Variants in YTHDC2 observed in about 807,000 individuals in gnomAD.
YTHDC2 encodes the protein 3'-5' RNA helicase YTHDC2.
Under a neutral mutation model 174.9 loss-of-function variants are expected in YTHDC2, and 45 were observed. The ratio of observed to expected loss-of-function variants is 0.26; its 90% CI spans 0.20 to 0.33. YTHDC2 has a LOEUF of 0.33. Ranked by LOEUF, YTHDC2 falls within the 10% of genes least tolerant of loss-of-function variation. The pLI is 1.00. For synonymous variants in YTHDC2, 657 were observed against 574.5 expected (o/e 1.14, Z -2.05); for missense variants, 1,650 against 1,723.7 (o/e 0.96, Z 0.76).
At chr5:113,548,446 G>A (rs1022326213) in intron 10 of YTHDC2, 95 bp from the exon 11 acceptor site, 6 of 1,260,518 alleles carry the variant, frequency 4.8e-6, no homozygotes, top group Middle Eastern at 2.5e-4. Flanking sequence ...TAATTATCCT[G>A]AAACTCAGTT....
At chr5:113,514,809 C>T (rs1426133645) in intron 1 of YTHDC2, among the ~76,000 whole-genome samples, 1 of 152,096 alleles carries the variant, frequency 6.6e-6, no homozygotes, top group African/African-American at 2.4e-5. Flanking sequence ...TAGTGAAATA[C>T]GAATTCTGTA....
At chr5:113,532,740 T>A (rs532217728) in intron 4 of YTHDC2, 139 bp from the exon 5 acceptor site, 593 of 666,090 alleles carry the variant, frequency 8.9e-4, no homozygotes, top group Non-Finnish European at 1.2e-3. Flanking sequence ...GATTACTAGT[T>A]ACATGAATGT....
At position 113,535,654 on chromosome 5, in the gene YTHDC2, G is replaced by C. The variant is rs759047499; in HGVS notation, c.958G>C (p.Glu320Gln). The change falls in exon 7 of 30, where the codon GAA becomes CAA. Residue 320 changes from glutamate (E) to glutamine (Q), a missense_variant. Glu to Gln is a conservative substitution (Grantham distance 29, BLOSUM62 2). Around this residue, in one of 5 missense-constraint regions of YTHDC2, gnomAD observed 411 missense variants for 380.6 expected, o/e 1.08. Transcript: ENST00000161863. ...CTGTTTACTATAGGATGAAGTGCATGAAAGGGATCGATTTAGTGATTTTTT... is the reference window on the plus strand; with the variant it reads ...CTGTTTACTATAGGATGAAGTGCATCAAAGGGATCGATTTAGTGATTTTTT... ...VTHVIVDEVH[E>Q]RDRFSDFLLT... 1 of 1,612,706 alleles carries C rather than the reference G, an allele frequency of 6.2e-7. No individual in the cohort carries two copies. The highest frequency in any genetic ancestry group is 8.5e-7 in the Non-Finnish European group (1 of 1,179,488).
intron 9 of YTHDC2, 145 bp downstream of exon 9, chr5:113,541,261 G>T (rs538063315): frequency 2.5e-5 from 22 of 892,190 alleles, no homozygotes; most frequent in Middle Eastern, 3.2e-4. Context: ...GCGTGATCTC[G>T]GCTCACTGCA....
intron 23 of YTHDC2, among the ~76,000 whole-genome samples, chr5:113,577,141 T>C (rs951629895): frequency 1.3e-5 from 2 of 152,174 alleles, no homozygotes; most frequent in African/African-American, 2.4e-5. Flanking sequence ...TTTAACCTTT[T>C]TGTATACTCT....
At chr5:113,582,015 A>T (rs1393745355) in intron 25 of YTHDC2, 3 of 187,046 alleles carry the variant, frequency 1.6e-5, no homozygotes, top group Non-Finnish European at 3.3e-5. Flanking sequence ...TAGACATTTT[A>T]AAATTATGTA....
intron 26 of YTHDC2, 77 bp downstream of exon 26, chr5:113,584,556 A>T (rs754341515): frequency 2.4e-6 from 3 of 1,252,258 alleles, no homozygotes; most frequent in Admixed American, 2.3e-5. Flanking sequence ...AAATTGTAAA[A>T]CAATTAGAGT....
intron 2 of YTHDC2, among the ~76,000 whole-genome samples, chr5:113,515,980 A>G (rs1773395564): frequency 6.6e-6 from 1 of 152,200 alleles, no homozygotes; most frequent in South Asian, 2.1e-4. Flanking sequence ...AAGCAGGGGA[A>G]GGCGGAGTTT....
At chr5:113,548,434 G>C (rs550032467) in intron 10 of YTHDC2, 107 bp from the exon 11 acceptor site, 1 of 1,116,462 alleles carries the variant, frequency 9.0e-7, no homozygotes, top group Admixed American at 2.8e-5. Flanking sequence ...CAACTCTCAG[G>C]CTAATTATCC....
intron 4 of YTHDC2, among the ~76,000 whole-genome samples, chr5:113,530,648 A>G (rs553379920): frequency 1.3e-4 from 20 of 152,214 alleles, no homozygotes; most frequent in Non-Finnish European, 2.1e-4. Context: ...AGATATATAC[A>G]TAATCAGCTA....
intron 17 of YTHDC2, among the ~76,000 whole-genome samples, chr5:113,557,939 C>G (rs894136243): frequency 6.6e-6 from 1 of 152,114 alleles, no homozygotes; most frequent in Non-Finnish European, 1.5e-5. Context: ...TAAACCATAG[C>G]CTGATAGGTA....
intron 16 of YTHDC2, among the ~76,000 whole-genome samples, chr5:113,555,145 A>T (rs1776513413): frequency 6.6e-6 from 1 of 152,032 alleles, no homozygotes; most frequent in South Asian, 2.1e-4. Context: ...TTGCCCTAAA[A>T]TTACCTAAAG....
At chr5:113,519,346 T>C (rs558869164) in intron 2 of YTHDC2, among the ~76,000 whole-genome samples, 2 of 152,314 alleles carry the variant, frequency 1.3e-5, no homozygotes, top group African/African-American at 4.8e-5. Context: ...CTTTAAAGGT[T>C]GTGTTTAAAG....
intron 18 of YTHDC2, among the ~76,000 whole-genome samples, chr5:113,561,998 G>T (rs1283044039): frequency 2.8e-5 from 4 of 142,138 alleles, no homozygotes. Context: ...GTGTGTGTGT[G>T]TTTTAAGTTT....
intron 26 of YTHDC2, among the ~76,000 whole-genome samples, chr5:113,587,997 G>A (rs1263408570): frequency 1.3e-5 from 2 of 151,834 alleles, no homozygotes; most frequent in East Asian, 1.9e-4. Context: ...TTCTCCCTAA[G>A]TATTTAATGT....
chr5:113,553,747 T>G lies in YTHDC2; in HGVS notation c.1965-20T>G, dbSNP rs1776422203. ...AACGGACAGGTCTTATAGTATGTTT[T>G]CTCTTTCAATTGTCTGCAGATACCA... On this transcript the variant is annotated intron_variant, in intron 14 of 29. Coordinates refer to ENST00000161863, the MANE Select transcript of YTHDC2 (RefSeq NM_022828.5). The G allele has an allele frequency of 6.2e-7, 1 of 1,612,178 alleles. No homozygotes were observed. The highest frequency in any genetic ancestry group is 1.7e-5 in the Admixed American group (1 of 59,682).
chr5:113,542,323 G>A (rs1775543794), intron 9 of YTHDC2, 45 bp from the exon 10 acceptor site: 1 of 1,592,850 alleles, frequency 6.3e-7, no homozygotes. Context: ...GCAAGCAAAT[G>A]TTAGGTAATT....
intron 2 of YTHDC2, among the ~76,000 whole-genome samples, chr5:113,524,569 A>G (rs1266647829): frequency 1.3e-5 from 2 of 152,060 alleles, no homozygotes; most frequent in Non-Finnish European, 2.9e-5. Flanking sequence ...ATTCACTGGG[A>G]CATATTAGTC....
intron 23 of YTHDC2, among the ~76,000 whole-genome samples, chr5:113,570,523 C>T (rs965687974): frequency 2.6e-5 from 4 of 152,068 alleles, no homozygotes; most frequent in Non-Finnish European, 5.9e-5. Context: ...GATTTTATAT[C>T]CTGAGACTTT....
Sources: allele counts gnomAD v4.1 joint callset (sites outside exome capture counted in the v4.1 genomes callset), GRCh38; gene constraint gnomAD v4.1.1; regional missense constraint gnomAD v4.1.1; transcripts MANE v1.5; gene names NCBI Gene and HGNC (gene_info 2026-07-23, HGNC 2026-07-21).